SNX25: variants seen among roughly 807,000 people sequenced by gnomAD.
The protein encoded by SNX25 is sorting nexin 25, also known as sorting nexin-25.
SNX25 carries 62 observed loss-of-function variants against 113.7 expected under a neutral mutation model. That is an observed-to-expected ratio of 0.55 (90% CI 0.44 to 0.67). The LOEUF (loss-of-function observed/expected upper bound fraction) is 0.67. Ranked by LOEUF, SNX25 falls within the 30% of genes least tolerant of loss-of-function variation. SNX25 has a pLI of 0.00. For synonymous variants in SNX25, 421 were observed against 436.2 expected (o/e 0.97, Z 0.43); for missense variants, 1,014 against 1,161.0 (o/e 0.87, Z 1.84).
chr4:185,208,263 G>C (rs554198302), upstream of SNX25, among the ~76,000 whole-genome samples: 1 of 151,892 alleles, frequency 6.6e-6, no homozygotes, highest in Admixed American at 6.6e-5. Flanking sequence ...TGATCTGCCC[G>C]CCTCAGCCTC....
chr4:185,358,754 A>G (rs2095349800), intron 16 of SNX25, among the ~76,000 whole-genome samples: 1 of 152,236 alleles, frequency 6.6e-6, no homozygotes, highest in African/African-American at 2.4e-5. Flanking sequence ...AGAATTGTTC[A>G]CAAGATAAAC....
At chr4:185,204,375 T>C (rs1227341518) in exon 1 of SNX25, 3 of 152,262 alleles carry the variant, frequency 2.0e-5, no homozygotes, top group African/African-American at 7.2e-5. Flanking sequence ...TGTGATATTT[T>C]CTATCAGCAA....
chr4:185,348,218 A>C (rs2095297734), intron 13 of SNX25, among the ~76,000 whole-genome samples: 1 of 152,156 alleles, frequency 6.6e-6, no homozygotes, highest in Admixed American at 6.5e-5. Flanking sequence ...AAGTTCTCAG[A>C]GGCATGGAAC....
At chr4:185,333,237 A>G (rs996469853) in intron 10 of SNX25, among the ~76,000 whole-genome samples, 2 of 152,242 alleles carry the variant, frequency 1.3e-5, no homozygotes, top group Non-Finnish European at 2.9e-5. Context: ...TCTCAAACCC[A>G]AGCTGTGGTG....
At chr4:185,360,939 AT>A (rs2095359733) in intron 16 of SNX25, among the ~76,000 whole-genome samples, 1 of 148,738 alleles carries the variant, frequency 6.7e-6, no homozygotes, top group Non-Finnish European at 1.5e-5. Flanking sequence ...TAATATATAT[AT>A]ATATATATAT....
chr4:185,342,107 A>G lies in SNX25; in HGVS notation c.2178A>G (p.Lys726=). ...GCGAGTTTCAGAATTTACACCGGAA[A>G]CTCAGTGAGGTATGAATACTCATGA... The part of the protein sequence containing the change: ...RLSEFQNLHR[K]LSECVPSLKK... Residue 726 remains lysine (K), a synonymous_variant, in exon 12 of 19, where the codon AAA becomes AAG. Coordinates refer to ENST00000652585, the MANE Select transcript of SNX25 (RefSeq NM_001378034.2). 2.5e-6 allele frequency: 4 copies of G among 1,598,160 alleles called. No individual in the cohort carries two copies. Among genetic ancestry groups the G allele is most frequent in the Non-Finnish European group, 2.6e-6 (3 of 1,173,856 alleles).
At chr4:185,269,118 G>A (rs1317061210) in intron 5 of SNX25, among the ~76,000 whole-genome samples, 2 of 152,112 alleles carry the variant, frequency 1.3e-5, no homozygotes, top group Non-Finnish European at 2.9e-5. Context: ...TTCCAGGTTT[G>A]TTATGTGAGG....
At chr4:185,268,394 T>A (rs1205796822) in intron 5 of SNX25, among the ~76,000 whole-genome samples, 1 of 152,094 alleles carries the variant, frequency 6.6e-6, no homozygotes, top group Non-Finnish European at 1.5e-5. Context: ...CCTGAGATAT[T>A]TTAGGGGGTG....
At chr4:185,212,463 ATGTGTGTGTGTG>A (rs1553980506) in intron 1 of SNX25, among the ~76,000 whole-genome samples, 1,221 of 119,380 alleles carry the variant, frequency 0.01, 33 homozygotes, top group African/African-American at 0.038. Flanking sequence ...AATTTGTGTG[ATGTGTGTGTGTG>A]TGTGTGTGTG....
intron 1 of SNX25, among the ~76,000 whole-genome samples, chr4:185,239,898 G>A (rs1333980406): frequency 1.3e-5 from 2 of 149,578 alleles, no homozygotes; most frequent in African/African-American, 4.9e-5. Flanking sequence ...GTTTTCCTAG[G>A]CAGAGGACCC....
chr4:185,251,184 A>G (rs1230824468), intron 2 of SNX25, among the ~76,000 whole-genome samples: 6 of 152,026 alleles, frequency 3.9e-5, no homozygotes, highest in African/African-American at 1.2e-4. Flanking sequence ...TAGTAGAGAC[A>G]GTGTTTCACC....
Position 185,357,740 on chromosome 4 carries a change from G to T in SNX25, c.2651+3G>T, listed in dbSNP as rs1294843519. 1.9e-6 allele frequency: 3 copies of T among 1,612,398 alleles called. No homozygotes were observed. The highest frequency in any genetic ancestry group is 2.5e-6 in the Non-Finnish European group (3 of 1,178,536). On this transcript the variant is annotated splice_donor_region_variant and intron_variant, in intron 16 of 18. Coordinates refer to ENST00000652585, the MANE Select transcript of SNX25 (RefSeq NM_001378034.2). ...ACTTTTGGAAGAACCATCAACAAGT[G>T]AGTTGTATGAAATTAATATTTGGAT...
intron 6 of SNX25, among the ~76,000 whole-genome samples, chr4:185,295,542 C>T (rs1282043910): frequency 2.0e-5 from 3 of 151,564 alleles, no homozygotes; most frequent in African/African-American, 7.3e-5. Flanking sequence ...CTTGACCTCC[C>T]GGGTTCAAGT....
chr4:185,302,116 A>G (rs1473765713), intron 6 of SNX25, among the ~76,000 whole-genome samples: 1 of 74,990 alleles, frequency 1.3e-5, no homozygotes, highest in East Asian at 4.8e-4. Context: ...TTTTTTTTTT[A>G]GTAGAGACAG....
chr4:185,375,643 G>C, the SNX25 span: 1 of 1,610,966 alleles, frequency 6.2e-7, no homozygotes, highest in Non-Finnish European at 8.5e-7. Context: ...GCCCATCATA[G>C]TACATCACTC....
chr4:185,259,199 G>T, intron 3 of SNX25, 135 bp downstream of exon 3: 2 of 740,342 alleles, frequency 2.7e-6, no homozygotes, highest in South Asian at 2.0e-5. Context: ...TTTATTAAGG[G>T]GGAATAATTA....
intron 9 of SNX25, among the ~76,000 whole-genome samples, chr4:185,328,920 C>T (rs114466435): frequency 0.091 from 13,884 of 151,948 alleles, 919 homozygotes; most frequent in Non-Finnish European, 0.14. Context: ...TTTGAACAGG[C>T]GAGGAGCAGA....
chr4:185,206,450 C>G (rs1737188974), upstream of SNX25, among the ~76,000 whole-genome samples: 1 of 150,742 alleles, frequency 6.6e-6, no homozygotes, highest in South Asian at 2.1e-4. Context: ...GTGGACAGAT[C>G]CTGAGGTCGG....
chr4:185,247,315 C>G lies in SNX25; in HGVS notation c.451C>G (p.His151Asp). 1 of 1,604,842 alleles carries G rather than the reference C, an allele frequency of 6.2e-7. No homozygotes were observed. The highest frequency in any genetic ancestry group is 8.5e-7 in the Non-Finnish European group (1 of 1,176,376). ...TCAGAGTCCTGTGTATGGAAACTCA[C>G]ATGAGTCAGCTCAGTCTAGAAGGGT... ...PPGSPVYGNS[H>D]ESAQSRRVVI... The change falls in exon 2 of 19, where the codon CAT becomes GAT. Residue 151 changes from histidine to aspartate, a missense_variant. Transcript: ENST00000652585.
Sources: gnomAD v4.1 joint callset for allele counts (sites outside exome capture counted in the v4.1 genomes callset) on GRCh38, gnomAD v4.1.1 for gene constraint, MANE v1.5 for transcripts, NCBI Gene and HGNC (gene_info 2026-07-23, HGNC 2026-07-21) for gene names.